Variants in MS4A2 observed in about 807,000 individuals in gnomAD.
MS4A2 encodes the protein membrane spanning 4-domains A2, also known as high affinity immunoglobulin epsilon receptor subunit beta.
Under a neutral mutation model 27.9 loss-of-function variants are expected in MS4A2, and 26 were observed. The ratio of observed to expected loss-of-function variants is 0.93; its 90% CI spans 0.68 to 1.29. MS4A2 has a LOEUF of 1.29. Among genes scored for constraint, MS4A2 ranks in the 50% most tolerant of loss-of-function variants. The pLI is 0.00. For missense variants in MS4A2, 284 were observed against 284.6 expected, an observed-to-expected ratio of 1.00 and a Z score of 0.01; for synonymous variants, 110 against 98.8, an observed-to-expected ratio of 1.11 and a Z score of -0.67.
rs12285698 is a variant in MS4A2 at position 60,096,555 on chromosome 11, C to A, written c.*899C>A. Reference sequence around the variant, plus strand: ...TGACTAATACATTAAGCGTTTGAGTCTAAGATGAAAGGAGAACACTGGTTA... The same window carrying A: ...TGACTAATACATTAAGCGTTTGAGTATAAGATGAAAGGAGAACACTGGTTA... On this transcript the variant is annotated 3_prime_UTR_variant, in exon 7 of 7. Transcript: ENST00000278888. 1 of 151,968 alleles carries A rather than the reference C, an allele frequency of 6.6e-6. No homozygotes were observed. Among genetic ancestry groups the A allele is most frequent in the Non-Finnish European group, 1.5e-5 (1 of 68,004 alleles). 9.4% of individuals were successfully genotyped at this position (151,968 alleles called of 1,614,324 possible).
intron 4 of MS4A2, 84 bp from the exon 5 acceptor site, chr11:60,093,316 G>A: frequency 6.4e-7 from 1 of 1,559,318 alleles, no homozygotes; most frequent in Non-Finnish European, 8.8e-7. Flanking sequence ...TTTACTGGAT[G>A]CATCCAGCCC....
rs1855897264 is a variant in MS4A2, at chr11:60,097,916, A to C, written c.*2260A>C. On this transcript the variant is annotated 3_prime_UTR_variant, in exon 7 of 7. Coordinates refer to ENST00000278888, the MANE Select transcript of MS4A2 (RefSeq NM_000139.5). ...AAACCCTACCCTTTCACTGTGTATC[A>C]TGCTAAGCTGCATCTCTACTCTTGA... is the stretch of plus-strand genomic sequence containing the variant. The C allele has an allele frequency of 6.6e-6, 1 of 152,202 alleles. No homozygotes were observed. Among genetic ancestry groups the C allele is most frequent in the Non-Finnish European group, 1.5e-5 (1 of 68,040 alleles). 9.4% of individuals were successfully genotyped at this position (152,202 alleles called of 1,614,324 possible).
At position 60,089,813 on chromosome 11, in the gene MS4A2, T is replaced by C. The variant is rs765612059; in HGVS notation, c.178T>C (p.Phe60Leu). ...WLTVLKKEQE[F>L]LGVTQILTAM... ...GACAGTTTTGAAAAAAGAGCAGGAG[T>C]TCCTGGGGGTGAGTGAGCCTCCTCC... is the stretch of plus-strand genomic sequence containing the variant. The change falls in exon 2 of 7, where the codon TTC becomes CTC. Residue 60 changes from phenylalanine (F) to leucine (L), a missense_variant. Coordinates refer to ENST00000278888, the MANE Select transcript of MS4A2 (RefSeq NM_000139.5). The C allele has an allele frequency of 4.3e-6, 7 of 1,613,910 alleles. No homozygotes were observed. The East Asian group carries it at 1.6e-4, about 36-fold the overall frequency.
In MS4A2 at chr11:60,094,139, G is replaced by T. The variant is rs959281166; in HGVS notation, c.636+77G>T. 4 of 964,704 alleles carry T rather than the reference G, an allele frequency of 4.1e-6. No individual in the cohort carries two copies. In the African/African-American group the frequency reaches 4.9e-5, roughly 12 times the overall value. 59.8% of individuals were successfully genotyped at this position (964,704 alleles called of 1,614,324 possible). A position where few individuals can be genotyped will look rare whatever the true frequency, so the allele number is the denominator to read the frequency against. ...CTTTATTCCTTAAAAATATGGCCTG[G>T]GTTTTCTGAAACATTTCTTCCAGAA... On this transcript the variant is annotated intron_variant, in intron 6 of 6. Transcript: ENST00000278888.
intron 2 of MS4A2, 52 bp downstream of exon 2, chr11:60,089,873 G>C (rs749891613): frequency 5.1e-5 from 82 of 1,608,460 alleles, no homozygotes; most frequent in Non-Finnish European, 6.4e-5. Context: ...GTCTAGAAAA[G>C]AATATTGAGT....
upstream of MS4A2, chr11:60,088,530 AT>A: frequency 3.8e-5 from 44 of 1,168,320 alleles, no homozygotes; most frequent in Non-Finnish European, 4.9e-5. Context: ...CTTATTTCAT[AT>A]TAGTCTTTAT....
intron 5 of MS4A2, 177 bp downstream of exon 5, chr11:60,093,735 G>C: frequency 1.0e-6 from 1 of 970,954 alleles, no homozygotes; most frequent in Middle Eastern, 2.1e-4. Context: ...CCTCAACCCA[G>C]GCAAATTCCT....
At chr11:60,091,125 T>A (rs1790678215) in intron 3 of MS4A2, among the ~76,000 whole-genome samples, 1 of 152,168 alleles carries the variant, frequency 6.6e-6, no homozygotes, top group Non-Finnish European at 1.5e-5. Flanking sequence ...CACTCCAGCC[T>A]GGGCAATAAG....
chr11:60,095,611 T>G lies in MS4A2; in HGVS notation c.690T>G (p.Ser230Arg), dbSNP rs1306627754. 6 of 1,612,896 alleles carry G rather than the reference T, an allele frequency of 3.7e-6. No homozygotes were observed. The highest frequency in any genetic ancestry group is 1.7e-5 in the Admixed American group (1 of 60,002). The change falls in exon 7 of 7, where the codon AGT becomes AGG. Residue 230 changes from serine to arginine, a missense_variant. Ser to Arg is a moderately radical substitution (Grantham distance 110). Transcript: ENST00000278888. ...TAAACATATATTCAGCTACTTACAG[T>G]GAGTTGGAAGACCCAGGGGAAATGT... ...EELNIYSATYSELEDPGEMSP... is the reference protein window; with the variant it reads ...EELNIYSATYRELEDPGEMSP...
chr11:60,090,292 G>T, intron 2 of MS4A2, 44 bp from the exon 3 acceptor site: 1 of 1,602,316 alleles, frequency 6.2e-7, no homozygotes. Context: ...ACAATCTCGG[G>T]AAAATTTTTT....
chr11:60,094,823 A>G (rs931092502), intron 6 of MS4A2, among the ~76,000 whole-genome samples: 5 of 152,178 alleles, frequency 3.3e-5, no homozygotes, highest in Non-Finnish European at 7.3e-5. Flanking sequence ...ACTAAAAAAT[A>G]CAACAAAACA....
intron 4 of MS4A2, 80 bp downstream of exon 4, chr11:60,092,928 T>A: frequency 7.6e-7 from 1 of 1,323,010 alleles, no homozygotes; most frequent in South Asian, 1.2e-5. Context: ...GGGAAACACA[T>A]CTTTGTCTCC....
chr11:60,089,709 T>C lies in MS4A2; in HGVS notation c.74T>C (p.Val25Ala). 1 of 1,614,168 alleles carries C rather than the reference T, an allele frequency of 6.2e-7. No individual in the cohort carries two copies. Among genetic ancestry groups the C allele is most frequent in the South Asian group, 1.1e-5 (1 of 91,084 alleles). The change falls in exon 2 of 7, where the codon GTC (valine) becomes GCC (alanine). Residue 25 changes from valine to alanine, a missense_variant. Coordinates refer to ENST00000278888, the MANE Select transcript of MS4A2 (RefSeq NM_000139.5). ...TTTCACAGTGTGCCTGCATTTGAAG[T>C]CTTGGAAATATCTCCCCAGGAAGTA... ...QEPSSVPAFE[V>A]LEISPQEVSS...
In MS4A2 at chr11:60,090,331, T is replaced by A; in HGVS notation, c.187-5T>A. 1 of 1,612,384 alleles carries A rather than the reference T, an allele frequency of 6.2e-7. No homozygotes were observed. The highest frequency in any genetic ancestry group is 2.2e-5 in the East Asian group (1 of 44,808). On this transcript the variant is annotated splice_polypyrimidine_tract_variant and splice_region_variant and intron_variant, in intron 2 of 6. Coordinates refer to ENST00000278888, the MANE Select transcript of MS4A2 (RefSeq NM_000139.5). ...TTTTCATGAAATTCATGTGTTTTTC[T>A]ATAGGTAACACAAATTCTGACTGCT...
At chr11:60,095,320 A>G (rs545893977) in intron 6 of MS4A2, among the ~76,000 whole-genome samples, 25 of 152,332 alleles carry the variant, frequency 1.6e-4, no homozygotes, top group African/African-American at 5.1e-4. Flanking sequence ...TAAATAAGAC[A>G]GCAGATATAC....
upstream of MS4A2, chr11:60,088,610 TTA>T (rs1855691649): frequency 6.7e-7 from 1 of 1,483,078 alleles, no homozygotes; most frequent in Admixed American, 2.5e-5. Flanking sequence ...GCCAAGAAAC[TTA>T]TCTGTCTGGC....
At chr11:60,091,417 C>G (rs977169531) in intron 3 of MS4A2, among the ~76,000 whole-genome samples, 1 of 152,152 alleles carries the variant, frequency 6.6e-6, no homozygotes, top group African/African-American at 2.4e-5. Context: ...GTACAATTTG[C>G]TAACCTTGAC....
Position 60,088,763 on chromosome 11 carries a change from A to C in MS4A2, c.-3A>C, listed in dbSNP as rs376370755. ...ATTCCTGGACAGCTCGGTTAATGAA[A>C]AAATGGACACAGAAAGTAATAGGAG... On this transcript the variant is annotated 5_prime_UTR_variant, in exon 1 of 7. Transcript: ENST00000278888. The C allele has an allele frequency of 1.7e-5, 28 of 1,611,436 alleles. No homozygotes were observed. In the African/African-American group the frequency reaches 3.3e-4, roughly 19 times the overall value.
At chr11:60,088,619 T>C, upstream of MS4A2, 5 of 1,495,730 alleles carry the variant, frequency 3.3e-6, no homozygotes, top group Non-Finnish European at 2.7e-6. Flanking sequence ...CTTATCTGTC[T>C]GGCAAATGAC....
Sources: allele counts gnomAD v4.1 joint callset (sites outside exome capture counted in the v4.1 genomes callset), GRCh38; gene constraint gnomAD v4.1.1; transcripts MANE v1.5; gene names NCBI Gene and HGNC (gene_info 2026-07-23, HGNC 2026-07-21).